Variants in CCDC158 observed in about 807,000 individuals in gnomAD.
CCDC158 encodes the protein coiled-coil domain-containing protein 158.
Under a neutral mutation model 138.6 loss-of-function variants are expected in CCDC158, and 116 were observed. The observed-to-expected ratio is 0.84, with a 90% CI of 0.72 to 0.98. CCDC158 has a LOEUF of 0.98. Among genes scored for constraint, CCDC158 ranks in the 50% least tolerant of loss-of-function variants. The pLI, the probability that CCDC158 is intolerant of heterozygous loss-of-function variation, is 0.00. For missense variants in CCDC158, 1,265 were observed against 1,306.1 expected, an observed-to-expected ratio of 0.97 and a Z score of 0.48; for synonymous variants, 436 against 442.4, an observed-to-expected ratio of 0.99 and a Z score of 0.18.
intron 18 of CCDC158, among the ~76,000 whole-genome samples, chr4:76,339,083 C>T (rs983812347): frequency 6.6e-6 from 1 of 151,988 alleles, no homozygotes; most frequent in Non-Finnish European, 1.5e-5. Context: ...TCCAATGAAA[C>T]CATGAAACCT....
At chr4:76,395,799 T>C (rs1313348018) in intron 4 of CCDC158, among the ~76,000 whole-genome samples, 4 of 152,172 alleles carry the variant, frequency 2.6e-5, no homozygotes, top group Non-Finnish European at 5.9e-5. Flanking sequence ...GTAAAGCCAG[T>C]TTGATTCTAC....
At chr4:76,318,979 T>C (rs9997837) in intron 24 of CCDC158, among the ~76,000 whole-genome samples, 4,017 of 151,838 alleles carry the variant, frequency 0.026, 172 homozygotes, top group African/African-American at 0.092. Flanking sequence ...AATACAAAAA[T>C]TAGCTGGGAG....
In CCDC158 at chr4:76,324,301, C is replaced by T. The variant is rs531557178; in HGVS notation, c.3170-892G>A. 2.6e-5 allele frequency among the ~76,000 whole-genome samples: 4 copies of T among 151,734 alleles called. No homozygotes were observed. The South Asian group carries it at 8.3e-4, about 32-fold the overall frequency. On this transcript the variant is annotated intron_variant, in intron 23 of 24. Coordinates refer to ENST00000682701, the MANE Select transcript of CCDC158 (RefSeq NM_001394954.1). ...CTCCCGGGTTCAAGTGATTCTCCTG[C>T]CTCAGCCTCCCAAGTAGCTGGGATT...
At chr4:76,357,836 T>G (rs1385338893) in intron 13 of CCDC158, among the ~76,000 whole-genome samples, 1 of 152,132 alleles carries the variant, frequency 6.6e-6, no homozygotes. Flanking sequence ...CCGTGTTCAC[T>G]AGAGTAGATT....
chr4:76,347,655 A>G (rs1560404498), intron 18 of CCDC158, among the ~76,000 whole-genome samples: 1 of 152,128 alleles, frequency 6.6e-6, no homozygotes, highest in South Asian at 2.1e-4. Context: ...ATGTATACCT[A>G]TGTAACAAAC....
intron 24 of CCDC158, among the ~76,000 whole-genome samples, chr4:76,317,153 A>ACAT: frequency 6.6e-6 from 1 of 152,148 alleles, no homozygotes; most frequent in Non-Finnish European, 1.5e-5. Flanking sequence ...TTGAATGTAA[A>ACAT]TGACCTAAAT....
At chr4:76,361,804 G>T (rs575092943) in intron 13 of CCDC158, among the ~76,000 whole-genome samples, 3 of 152,158 alleles carry the variant, frequency 2.0e-5, no homozygotes, top group Non-Finnish European at 4.4e-5. Context: ...ACAAAACTGT[G>T]CAGACAATGT....
At chr4:76,383,948 A>G in intron 6 of CCDC158, 140 bp downstream of exon 6, 1 of 740,406 alleles carries the variant, frequency 1.4e-6, no homozygotes, top group South Asian at 2.0e-5. Context: ...ATTATGAGAG[A>G]TTACTGTGGA....
intron 24 of CCDC158, among the ~76,000 whole-genome samples, chr4:76,318,653 C>A (rs577822904): frequency 2.6e-5 from 4 of 152,234 alleles, no homozygotes; most frequent in African/African-American, 4.8e-5. Flanking sequence ...TTCCCTAAAT[C>A]ATTCTGTGAA....
intron 9 of CCDC158, among the ~76,000 whole-genome samples, chr4:76,378,998 A>G (rs1725973189): frequency 6.6e-6 from 1 of 152,192 alleles, no homozygotes; most frequent in Non-Finnish European, 1.5e-5. Flanking sequence ...AGTATTTGCT[A>G]AAGTTTAGCT....
At position 76,403,172 on chromosome 4, in the gene CCDC158, A is replaced by T; in HGVS notation, c.36T>A (p.Asp12Glu). 2 of 1,606,532 alleles carry T rather than the reference A, an allele frequency of 1.2e-6. No homozygotes were observed. Among genetic ancestry groups the T allele is most frequent in the South Asian group, 1.1e-5 (1 of 89,882 alleles). Residue 12 changes from aspartate (D) to glutamate (E), a missense_variant, in exon 3 of 25, where the codon GAT becomes GAA. Coordinates refer to ENST00000682701, the MANE Select transcript of CCDC158 (RefSeq NM_001394954.1). ...ATGTGACACCACTACTTGATAAAAG[A>T]TCTTCATTATTTGATTCCCAAGCTT... ...ESKAWESNNE[D>E]LLSSSGVTSN...
chr4:76,355,315 G>A lies in CCDC158; in HGVS notation c.2286+9C>T. On this transcript the variant is annotated intron_variant, in intron 15 of 24. Transcript: ENST00000682701. ...TGTTGGTTTCCCCACTCTGAGGACA[G>A]CAACCCACCTTATTTGCATTTGTCA... is the stretch of plus-strand genomic sequence containing the variant. 6.3e-7 allele frequency: 1 copy of A among 1,581,350 alleles called. No homozygotes were observed.
At chr4:76,337,110 A>G (rs1004852787) in intron 18 of CCDC158, among the ~76,000 whole-genome samples, 15 of 152,034 alleles carry the variant, frequency 9.9e-5, no homozygotes, top group African/African-American at 3.6e-4. Flanking sequence ...TCTCCTGAGT[A>G]GCTGAGACTA....
intron 24 of CCDC158, 49 bp from the exon 25 acceptor site, chr4:76,313,295 T>TA (rs1270794723): frequency 9.0e-7 from 1 of 1,108,452 alleles, no homozygotes; most frequent in East Asian, 2.4e-5. Context: ...ACTTAGGCTT[T>TA]AATTCTACTA....
chr4:76,385,799 A>C (rs1208776681), intron 4 of CCDC158, among the ~76,000 whole-genome samples: 1 of 152,230 alleles, frequency 6.6e-6, no homozygotes, highest in Non-Finnish European at 1.5e-5. Context: ...ATGAAAAAAA[A>C]CAAAAATTCA....
At chr4:76,358,619 C>G (rs1037251947) in intron 13 of CCDC158, among the ~76,000 whole-genome samples, 3 of 152,162 alleles carry the variant, frequency 2.0e-5, no homozygotes, top group African/African-American at 7.2e-5. Context: ...GTTCTCTCTG[C>G]CTGGAATGTC....
At chr4:76,399,419 A>G (rs570744877) in intron 3 of CCDC158, among the ~76,000 whole-genome samples, 2 of 152,302 alleles carry the variant, frequency 1.3e-5, no homozygotes, top group South Asian at 4.1e-4. Flanking sequence ...ACATTTACCT[A>G]TGCAACACAC....
intron 1 of CCDC158, among the ~76,000 whole-genome samples, chr4:76,416,319 C>T (rs574798381): frequency 5.3e-5 from 8 of 152,240 alleles, no homozygotes; most frequent in South Asian, 2.1e-4. Flanking sequence ...TACCGGTCTC[C>T]GCGTCTTGGT....
At chr4:76,330,192 G>C (rs1720894026) in intron 21 of CCDC158, among the ~76,000 whole-genome samples, 1 of 152,104 alleles carries the variant, frequency 6.6e-6, no homozygotes, top group African/African-American at 2.4e-5. Context: ...CTCAGAGGCA[G>C]TAAGCAGTGG....
Sources: allele counts gnomAD v4.1 joint callset (sites outside exome capture counted in the v4.1 genomes callset), GRCh38; gene constraint gnomAD v4.1.1; transcripts MANE v1.5; gene names NCBI Gene and HGNC (gene_info 2026-07-23, HGNC 2026-07-21).